ANKRD11: variants seen among roughly 807,000 people sequenced by gnomAD.
ANKRD11 encodes ankyrin repeat domain-containing protein 11.
Under a neutral mutation model 195.7 loss-of-function variants are expected in ANKRD11, and 17 were observed. The observed-to-expected ratio is 0.09, with a 90% CI of 0.06 to 0.13. The LOEUF (loss-of-function observed/expected upper bound fraction) is 0.13. Among genes scored for constraint, ANKRD11 ranks in the 10% least tolerant of loss-of-function variants. ANKRD11 has a pLI of 1.00. For synonymous variants in ANKRD11, 1,953 were observed against 1,528.1 expected (o/e 1.28, Z -6.49); for missense variants, 3,735 against 3,566.1 (o/e 1.05, Z -1.21).
chr16:89,303,915 C>T (rs942819197), intron 4 of ANKRD11, among the ~76,000 whole-genome samples: 1 of 152,194 alleles, frequency 6.6e-6, no homozygotes, highest in African/African-American at 2.4e-5. Flanking sequence ...CTCTCAAGCC[C>T]GCATCCTGGC....
intron 2 of ANKRD11, among the ~76,000 whole-genome samples, chr16:89,402,633 G>C (rs1249953940): frequency 1.3e-5 from 2 of 150,938 alleles, no homozygotes; most frequent in East Asian, 3.9e-4. Flanking sequence ...AGTGAGCTGT[G>C]GGTGGGGGGG....
intron 1 of ANKRD11, among the ~76,000 whole-genome samples, chr16:89,480,645 T>G (rs753395429): frequency 1.1e-4 from 17 of 152,178 alleles, no homozygotes; most frequent in Admixed American, 2.6e-4. Flanking sequence ...CTTTCTATAC[T>G]CCTTCTAGCA....
chr16:89,283,585 T>G lies in ANKRD11; in HGVS notation c.2957A>C (p.Lys986Thr). The G allele has an allele frequency of 1.9e-6, 3 of 1,610,452 alleles. No individual in the cohort carries two copies. The highest frequency in any genetic ancestry group is 2.5e-6 in the Non-Finnish European group (3 of 1,180,018). The change falls in exon 9 of 13, where the codon AAG becomes ACG. Residue 986 changes from lysine to threonine, a missense_variant. Coordinates refer to ENST00000301030, the MANE Select transcript of ANKRD11 (RefSeq NM_013275.6). This position sits in a 1 kb window ranked among gnomAD's most constrained non-coding sequence, Gnocchi z 4.3. Reference sequence around the variant, plus strand: ...CCCAAAGTCGCCGTCGGACTTGTCCTTGAAGCCACTCTCGCAGCCACACTC... The same window carrying G: ...CCCAAAGTCGCCGTCGGACTTGTCCGTGAAGCCACTCTCGCAGCCACACTC... Reference protein sequence around the residue: ...LKECGCESGFKDKSDGDFGKG... With the variant: ...LKECGCESGFTDKSDGDFGKG...
At chr16:89,319,351 C>T (rs1254897011) in intron 2 of ANKRD11, among the ~76,000 whole-genome samples, 1 of 152,254 alleles carries the variant, frequency 6.6e-6, no homozygotes, top group Non-Finnish European at 1.5e-5. Flanking sequence ...GACCAGGGAT[C>T]TGGGAGTCCA....
intron 2 of ANKRD11, among the ~76,000 whole-genome samples, chr16:89,328,227 G>C (rs983279280): frequency 2.6e-5 from 4 of 152,142 alleles, no homozygotes; most frequent in Admixed American, 6.5e-5. Flanking sequence ...AGAAAAGCTG[G>C]AACTCTCTCG....
chr16:89,408,987 G>A (rs1182138973), intron 2 of ANKRD11, among the ~76,000 whole-genome samples: 6 of 152,104 alleles, frequency 3.9e-5, no homozygotes, highest in Non-Finnish European at 7.3e-5. Flanking sequence ...CAGAAAAGGC[G>A]GCCCCAACCC....
chr16:89,394,001 G>C (rs2041316621), intron 2 of ANKRD11, among the ~76,000 whole-genome samples: 1 of 152,168 alleles, frequency 6.6e-6, no homozygotes, highest in Non-Finnish European at 1.5e-5. Context: ...ATGAAAGTGG[G>C]TTCCCAGACC....
intron 1 of ANKRD11, among the ~76,000 whole-genome samples, chr16:89,437,457 T>C (rs1410515125): frequency 6.6e-6 from 1 of 152,092 alleles, no homozygotes; most frequent in Admixed American, 6.6e-5. Flanking sequence ...CATTCACCTC[T>C]TCTTCTTTCT....
intron 10 of ANKRD11, 40 bp downstream of exon 10, chr16:89,275,053 C>G (rs759996108): frequency 1.7e-5 from 28 of 1,612,602 alleles, no homozygotes; most frequent in Non-Finnish European, 2.3e-5. Flanking sequence ...CGTGAAAAGC[C>G]CTGGCCGTGG....
chr16:89,414,300 A>T (rs1379026438), intron 2 of ANKRD11, among the ~76,000 whole-genome samples: 1 of 152,156 alleles, frequency 6.6e-6, no homozygotes, highest in African/African-American at 2.4e-5. Context: ...TGGGAAAGGT[A>T]ATTTGAAAGT....
In ANKRD11 at chr16:89,397,958, G is replaced by C. The variant is rs143618697; in HGVS notation, c.-60+20326C>G. Among the ~76,000 whole-genome samples, 792 of 152,358 alleles carry C rather than the reference G, an allele frequency of 5.2e-3. 5 individuals are homozygous for C. The highest frequency in any genetic ancestry group is 0.018 in the African/African-American group (769 of 41,588). ...CCTCAGACACTGATCTCCTGTTGTT[G>C]AATCGGTGCAATATTCACCCACCAA... is the stretch of plus-strand genomic sequence containing the variant. On this transcript the variant is annotated intron_variant, in intron 2 of 12. Coordinates refer to ENST00000301030, the MANE Select transcript of ANKRD11 (RefSeq NM_013275.6).
rs1418822270 is a variant in ANKRD11, at chr16:89,418,340, G to T, written c.-116C>A. On this transcript the variant is annotated 5_prime_UTR_variant, in exon 2 of 13. Transcript: ENST00000301030. ...GGACTGTCTTTTAAATCCAATGGAG[G>T]TGTGTCCCAGAGCAGGGCTGTATAT... 6.6e-6 allele frequency: 3 copies of T among 453,914 alleles called. No homozygotes were observed. Among genetic ancestry groups the T allele is most frequent in the South Asian group, 1.6e-5 (1 of 64,464 alleles). 28.1% of individuals were successfully genotyped at this position (453,914 alleles called of 1,614,324 possible).
At chr16:89,488,236 G>C (rs1422214047) in intron 1 of ANKRD11, among the ~76,000 whole-genome samples, 1 of 152,136 alleles carries the variant, frequency 6.6e-6, no homozygotes, top group African/African-American at 2.4e-5. Context: ...GCATCACGAA[G>C]AACAGAGAAA....
Position 89,284,919 on chromosome 16 carries a change from C to T in ANKRD11, c.1623G>A (p.Gln541=), listed in dbSNP as rs150236869. 7 of 1,614,058 alleles carry T rather than the reference C, an allele frequency of 4.3e-6. No homozygotes were observed. Among genetic ancestry groups the T allele is most frequent in the African/African-American group, 1.3e-5 (1 of 74,940 alleles). The change falls in exon 9 of 13, where the codon CAG becomes CAA. Residue 541 remains glutamine (Q), a synonymous_variant. Transcript: ENST00000301030. ...TGTCTGTCCGCCAGTGCTTGGTGTG[C>T]TGGTCTGTGTGGCTGGGGTTCTGCT... The part of the protein sequence containing the change: ...AQKQNPSHTD[Q]HTKHWRTDNW...
At chr16:89,427,883 C>T (rs2042785965) in intron 1 of ANKRD11, among the ~76,000 whole-genome samples, 2 of 151,932 alleles carry the variant, frequency 1.3e-5, no homozygotes, top group South Asian at 4.1e-4. Context: ...AACAAGGGCA[C>T]TGATTTGACA....
intron 2 of ANKRD11, chr16:89,373,584 G>A (rs968473700): frequency 1.3e-5 from 2 of 152,308 alleles, no homozygotes; most frequent in African/African-American, 4.8e-5. Context: ...CGATTCGAGA[G>A]AAAACATCGG....
At chr16:89,386,532 T>C (rs2040918641) in intron 2 of ANKRD11, among the ~76,000 whole-genome samples, 1 of 152,150 alleles carries the variant, frequency 6.6e-6, no homozygotes, top group African/African-American at 2.4e-5. Flanking sequence ...GGCTCTTCTC[T>C]GGAAGGATGG....
At position 89,280,727 on chromosome 16, in the gene ANKRD11, A is replaced by T; in HGVS notation, c.5815T>A (p.Phe1939Ile). 6.2e-7 allele frequency: 1 copy of T among 1,613,400 alleles called. No homozygotes were observed. ...SYLEPLDEGP[F>I]SAVITEEPVE... ...GGCTCCTCGGTGATGACGGCGCTGAAGGGACCCTCGTCCAGCGGCTCCAGG... is the reference window on the plus strand; with the variant it reads ...GGCTCCTCGGTGATGACGGCGCTGATGGGACCCTCGTCCAGCGGCTCCAGG... The change falls in exon 9 of 13, where the codon TTC becomes ATC. Residue 1939 changes from phenylalanine (F) to isoleucine (I), a missense_variant. Coordinates refer to ENST00000301030, the MANE Select transcript of ANKRD11 (RefSeq NM_013275.6).
At chr16:89,473,381 A>T (rs2080209889) in intron 1 of ANKRD11, among the ~76,000 whole-genome samples, 1 of 152,182 alleles carries the variant, frequency 6.6e-6, no homozygotes. Flanking sequence ...GTAGAATTCC[A>T]CCAGGCCCTG....
Sources: gnomAD v4.1 joint callset for allele counts (sites outside exome capture counted in the v4.1 genomes callset) on GRCh38, gnomAD v4.1.1 for gene constraint, Gnocchi (gnomAD v3.1) non-coding constraint, MANE v1.5 for transcripts, NCBI Gene and HGNC (gene_info 2026-07-23, HGNC 2026-07-21) for gene names.